The following FRS2 variants were observed in gnomAD, a reference collection of about 807,000 sequenced individuals.
FRS2 encodes the protein fibroblast growth factor receptor substrate 2, also known as FGFR signalling adaptor.
A neutral mutation model predicts 43.9 loss-of-function variants in FRS2; 8 were observed. The ratio of observed to expected loss-of-function variants is 0.18; its 90% CI spans 0.11 to 0.33. The LOEUF (loss-of-function observed/expected upper bound fraction) is 0.33, where lower values mean the gene tolerates loss of function less well. FRS2 is among the 10% of genes least tolerant of loss of function. FRS2 has a pLI of 1.00. For synonymous variants in FRS2, 219 were observed against 220.3 expected (o/e 0.99, Z 0.05); for missense variants, 534 against 627.6 (o/e 0.85, Z 1.59).
chr12:69,522,461 T>C (rs1875777700), intron 1 of FRS2, among the ~76,000 whole-genome samples: 1 of 152,156 alleles, frequency 6.6e-6, no homozygotes, highest in African/African-American at 2.4e-5. Flanking sequence ...TCTTTGTCAT[T>C]TCTCATTGTG....
chr12:69,568,001 C>T (rs1880437721), intron 4 of FRS2, among the ~76,000 whole-genome samples: 1 of 152,190 alleles, frequency 6.6e-6, no homozygotes, highest in South Asian at 2.1e-4. Flanking sequence ...TGTTTTGTAG[C>T]TTCTGTGCTT....
At chr12:69,561,541 A>G (rs941385891) in intron 3 of FRS2, among the ~76,000 whole-genome samples, 1 of 152,154 alleles carries the variant, frequency 6.6e-6, no homozygotes, top group Admixed American at 6.5e-5. Context: ...AAATAAATTG[A>G]CCAGAAATTT....
intron 1 of FRS2, among the ~76,000 whole-genome samples, chr12:69,516,463 C>T (rs1156550022): frequency 6.6e-6 from 1 of 152,086 alleles, no homozygotes; most frequent in Non-Finnish European, 1.5e-5. Flanking sequence ...GGTGATCCAC[C>T]CACCTCAGCC....
intron 3 of FRS2, 81 bp downstream of exon 3, chr12:69,532,137 C>T (rs1421533638): frequency 6.6e-6 from 1 of 152,096 alleles, no homozygotes; most frequent in East Asian, 1.9e-4. Context: ...AATTTGTTTC[C>T]ATGTATTTAT....
chr12:69,572,525 T>C (rs1424137704), intron 8 of FRS2, among the ~76,000 whole-genome samples: 1 of 152,226 alleles, frequency 6.6e-6, no homozygotes, highest in African/African-American at 2.4e-5. Context: ...ATCTATAGAT[T>C]AAGAAAGGCA....
intron 3 of FRS2, among the ~76,000 whole-genome samples, chr12:69,551,702 T>A (rs1347028507): frequency 6.6e-6 from 1 of 152,166 alleles, no homozygotes; most frequent in Non-Finnish European, 1.5e-5. Context: ...GTTTTTTAGA[T>A]CAGTATTTAA....
intron 3 of FRS2, among the ~76,000 whole-genome samples, chr12:69,547,030 G>T (rs1179271658): frequency 1.3e-5 from 2 of 152,180 alleles, no homozygotes; most frequent in African/African-American, 4.8e-5. Context: ...ATATTATTCA[G>T]CCTTAAAAAG....
rs1555189568 is a variant in FRS2 at position 69,538,199 on chromosome 12, A to ATATATATATATATATATATATATG, written c.-122+6166_-122+6167insGTATATATATATATATATATATAT. On this transcript the variant is annotated intron_variant, in intron 3 of 8. Transcript: ENST00000549921. ...TAATAAAATTAAAAAAACAAATTTT[A>ATATATATATATATATATATATATG]TATATATATATATATATATATATAG... 4.7e-3 allele frequency among the ~76,000 whole-genome samples: 243 copies of ATATATATATATATATATATATATG among 51,322 alleles called. 3 individuals carry two copies. Among genetic ancestry groups the ATATATATATATATATATATATATG allele is most frequent in the South Asian group, 0.015 (23 of 1,520 alleles). 33.7% of individuals were successfully genotyped at this position (51,322 alleles called of 152,430 possible).
intron 1 of FRS2, among the ~76,000 whole-genome samples, chr12:69,528,534 A>G (rs1222197081): frequency 6.6e-6 from 1 of 152,240 alleles, no homozygotes; most frequent in Admixed American, 6.5e-5. Flanking sequence ...GATGATTTAA[A>G]AACAAAACAA....
intron 1 of FRS2, among the ~76,000 whole-genome samples, chr12:69,525,181 G>C (rs1002443206): frequency 7.8e-6 from 1 of 128,972 alleles, no homozygotes; most frequent in Non-Finnish European, 1.6e-5. Flanking sequence ...ACAATGTTAA[G>C]ATGTAATATT....
At chr12:69,487,948 C>T (rs181541222) in intron 1 of FRS2, among the ~76,000 whole-genome samples, 2 of 152,314 alleles carry the variant, frequency 1.3e-5, no homozygotes, top group Admixed American at 1.3e-4. Flanking sequence ...GGAATTAGAA[C>T]TACAGCCTTA....
intron 1 of FRS2, among the ~76,000 whole-genome samples, chr12:69,498,460 G>A (rs7132407): frequency 0.51 from 76,619 of 151,500 alleles, 22,293 homozygotes; most frequent in African/African-American, 0.8. Context: ...TGCGGCCCAG[G>A]ATGGCTTTGA....
intron 6 of FRS2, among the ~76,000 whole-genome samples, chr12:69,571,072 T>G (rs936648344): frequency 1.3e-5 from 2 of 152,184 alleles, no homozygotes; most frequent in African/African-American, 2.4e-5. Context: ...CTCCCTTAGA[T>G]GAATGAAAAT....
intron 1 of FRS2, among the ~76,000 whole-genome samples, chr12:69,477,087 T>C (rs1489310208): frequency 6.6e-6 from 1 of 151,728 alleles, no homozygotes. Context: ...GCTTAAATTT[T>C]TCTCTTAAAG....
chr12:69,478,033 G>A (rs1284680802), intron 1 of FRS2, among the ~76,000 whole-genome samples: 2 of 152,036 alleles, frequency 1.3e-5, no homozygotes, highest in African/African-American at 2.4e-5. Flanking sequence ...GAGCCACCGC[G>A]CCCGGCTGTT....
chr12:69,562,831 AG>A (rs1234869348), intron 4 of FRS2, among the ~76,000 whole-genome samples: 8 of 152,052 alleles, frequency 5.3e-5, no homozygotes, highest in Admixed American at 2.6e-4. Flanking sequence ...CTGGGACTAC[AG>A]GTGTGTGCCA....
At chr12:69,512,334 T>G (rs1230948022) in intron 1 of FRS2, among the ~76,000 whole-genome samples, 1 of 152,236 alleles carries the variant, frequency 6.6e-6, no homozygotes, top group East Asian at 1.9e-4. Context: ...AGGACCTTTT[T>G]AGCTCTGCTT....
intron 3 of FRS2, among the ~76,000 whole-genome samples, chr12:69,532,260 G>T (rs559310431): frequency 6.6e-6 from 1 of 152,282 alleles, no homozygotes; most frequent in South Asian, 2.1e-4. Context: ...GGATAAAAGG[G>T]AATGATAAAA....
Position 69,574,376 on chromosome 12 carries a change from T to G in FRS2, c.948T>G (p.Ser316Arg). The G allele has an allele frequency of 3.1e-6, 5 of 1,613,176 alleles. No homozygotes were observed. The highest frequency in any genetic ancestry group is 4.2e-6 in the Non-Finnish European group (5 of 1,179,108). Residue 316 changes from serine (S) to arginine (R), a missense_variant, in exon 9 of 9, where the codon AGT (serine) becomes AGG (arginine). This residue lies in a region of FRS2 where 446 missense variants were observed against 494.2 expected (regional missense o/e 0.90). Coordinates refer to ENST00000549921, the MANE Select transcript of FRS2 (RefSeq NM_001278356.2). ...YENINGLSIP[S>R]ASGVRRGRLT... The stretch of plus-strand genomic sequence containing the variant: ...ATATAAATGGGCTATCTATCCCTAG[T>G]GCCTCAGGGGTCAGGAGAGGTCGTC...
Sources: gnomAD v4.1 joint callset for allele counts (sites outside exome capture counted in the v4.1 genomes callset) on GRCh38, gnomAD v4.1.1 for gene constraint, gnomAD v4.1.1 regional missense constraint, MANE v1.5 for transcripts, NCBI Gene and HGNC (gene_info 2026-07-23, HGNC 2026-07-21) for gene names.